CCDC122: variants seen among roughly 807,000 people sequenced by gnomAD.
CCDC122 encodes coiled-coil domain containing 122, also known as coiled-coil domain-containing protein 122.
Under a neutral mutation model 37.0 loss-of-function variants are expected in CCDC122, and 38 were observed. That is an observed-to-expected ratio of 1.03 (90% CI 0.79 to 1.35). The LOEUF (loss-of-function observed/expected upper bound fraction) is 1.35. Ranked by LOEUF, CCDC122 falls within the 40% of genes most tolerant of loss-of-function variation. The pLI, the probability that CCDC122 is intolerant of heterozygous loss-of-function variation, is 0.00. For missense variants in CCDC122, 305 were observed against 310.0 expected (o/e 0.98, Z 0.12); for synonymous variants, 83 against 95.6 (o/e 0.87, Z 0.77).
chr13:43,872,437 C>T (rs917346164), intron 2 of CCDC122, among the ~76,000 whole-genome samples: 1 of 152,072 alleles, frequency 6.6e-6, no homozygotes, highest in African/African-American at 2.4e-5. Context: ...GGCCCTTGAT[C>T]CTAGGCTCTT....
intron 6 of CCDC122, among the ~76,000 whole-genome samples, chr13:43,853,793 G>A (rs561715279): frequency 1.3e-5 from 2 of 152,158 alleles, no homozygotes; most frequent in East Asian, 3.9e-4. Flanking sequence ...CAATCTCTTG[G>A]ACCACAGCAC....
chr13:43,865,448 T>G (rs1417241301), intron 4 of CCDC122, among the ~76,000 whole-genome samples: 1 of 152,188 alleles, frequency 6.6e-6, no homozygotes, highest in African/African-American at 2.4e-5. Context: ...AGTACTGAAC[T>G]CTATATACAC....
At position 43,874,925 on chromosome 13, in the gene CCDC122, G is replaced by A. The variant is rs1462556491; in HGVS notation, c.-197C>T. 6.6e-6 allele frequency: 1 copy of A among 152,122 alleles called. No individual in the cohort carries two copies. The highest frequency in any genetic ancestry group is 1.5e-5 in the Non-Finnish European group (1 of 68,036). 9.4% of individuals were successfully genotyped at this position (152,122 alleles called of 1,614,324 possible). On this transcript the variant is annotated splice_region_variant and 5_prime_UTR_variant, in exon 2 of 7. Transcript: ENST00000444614. ...CAGGCAATGAGATTAGAGTTTCAGGGCACTGAAAAAGAAAGAAAACAGAGG... is the reference window on the plus strand; with the variant it reads ...CAGGCAATGAGATTAGAGTTTCAGGACACTGAAAAAGAAAGAAAACAGAGG...
chr13:43,857,622 G>A (rs929811088), intron 6 of CCDC122, among the ~76,000 whole-genome samples: 8 of 151,894 alleles, frequency 5.3e-5, no homozygotes, highest in Non-Finnish European at 1.0e-4. Flanking sequence ...TTTTTTTCTG[G>A]CCGGGTGTGG....
rs145660681 is a variant in CCDC122 at position 43,875,425 on chromosome 13, G to T, written c.-199-498C>A. Among the ~76,000 whole-genome samples, 333 of 152,254 alleles carry T rather than the reference G, an allele frequency of 2.2e-3. 7 individuals are homozygous for T. In the East Asian group the frequency reaches 0.051, roughly 23 times the overall value. The stretch of plus-strand genomic sequence containing the variant: ...CTTATTTTGAAAAAGGAGTTTTGCA[G>T]ATTTAACTGGGTTAAAGATCTTGAG... On this transcript the variant is annotated intron_variant, in intron 1 of 6. Transcript: ENST00000444614.
intron 2 of CCDC122, among the ~76,000 whole-genome samples, chr13:43,870,968 A>G (rs548556384): frequency 2.0e-5 from 3 of 152,216 alleles, no homozygotes; most frequent in East Asian, 3.9e-4. Flanking sequence ...TCCCCACTTC[A>G]TATCAAAATC....
intron 4 of CCDC122, among the ~76,000 whole-genome samples, chr13:43,868,252 G>C (rs1954337521): frequency 6.6e-6 from 1 of 152,006 alleles, no homozygotes; most frequent in African/African-American, 2.4e-5. Context: ...ACCAAGTATG[G>C]CTCCCAAATT....
At chr13:43,845,072 TTGAG>T (rs140193023) in intron 6 of CCDC122, among the ~76,000 whole-genome samples, 1,557 of 152,268 alleles carry the variant, frequency 0.01, 23 homozygotes, top group African/African-American at 0.035. Context: ...TTCTTTTGGA[TTGAG>T]TATTTTTTGT....
chr13:43,875,210 G>A (rs1954571903), intron 1 of CCDC122, among the ~76,000 whole-genome samples: 1 of 152,154 alleles, frequency 6.6e-6, no homozygotes. Flanking sequence ...GACCTTTGGT[G>A]AAATCCAGTT....
chr13:43,835,953 A>G (rs1210476424), downstream of CCDC122, among the ~76,000 whole-genome samples: 1 of 152,206 alleles, frequency 6.6e-6, no homozygotes, highest in African/African-American at 2.4e-5. Context: ...TTGAAGTGTA[A>G]GCCACATTAA....
At chr13:43,858,293 C>T (rs1953991735) in intron 6 of CCDC122, 1 of 152,346 alleles carries the variant, frequency 6.6e-6, no homozygotes, top group Admixed American at 6.5e-5. Flanking sequence ...CACCACAACA[C>T]ATTATGAATT....
chr13:43,858,049 G>A (rs1023657277), intron 6 of CCDC122: 1 of 152,116 alleles, frequency 6.6e-6, no homozygotes, highest in African/African-American at 2.4e-5. Flanking sequence ...AAACTAAAAG[G>A]TAAAATCGTG....
intron 6 of CCDC122, among the ~76,000 whole-genome samples, chr13:43,841,867 CACTG>C (rs1456332533): frequency 4.6e-5 from 7 of 152,092 alleles, no homozygotes; most frequent in South Asian, 4.1e-4. Context: ...TGCGCCATCA[CACTG>C]ACTAATTTTT....
In CCDC122 at chr13:43,859,738, CTTTAA is replaced by C; in HGVS notation, c.484_488del (p.Leu162AspfsTer31). On this transcript the variant is annotated frameshift_variant, in exon 5 of 7. Transcript: ENST00000444614. LOFTEE classifies it high-confidence loss of function. ...CTTGCATAAGTTCTTCTTTCATTGT[CTTTAA>C]TTTTTTAACAAAATCTCGCTTTTCA... is the stretch of plus-strand genomic sequence containing the variant. The C allele has an allele frequency of 1.3e-6, 2 of 1,597,214 alleles. No homozygotes were observed. The highest frequency in any genetic ancestry group is 1.8e-5 in the Admixed American group (1 of 55,914).
At chr13:43,875,990 C>G (rs1954598292) in intron 1 of CCDC122, among the ~76,000 whole-genome samples, 1 of 152,242 alleles carries the variant, frequency 6.6e-6, no homozygotes, top group Non-Finnish European at 1.5e-5. Context: ...ACTTGAGACT[C>G]AGACCCACAT....
In CCDC122 at chr13:43,858,891, T is replaced by G; in HGVS notation, c.562A>C (p.Ile188Leu). ...ATAATTTTATCCTTTAAGTTTGTAA[T>G]GTCTTCCTGTATGTTGACAACATTT... is the stretch of plus-strand genomic sequence containing the variant. Reference protein sequence around the residue: ...GNRITQVQEDITNLKDKIITV... With the variant: ...GNRITQVQEDLTNLKDKIITV... The change falls in exon 6 of 7, where the codon ATT becomes CTT. Residue 188 changes from isoleucine to leucine, a missense_variant. Ile to Leu is a conservative substitution (Grantham distance 5). Coordinates refer to ENST00000444614, the MANE Select transcript of CCDC122 (RefSeq NM_144974.5). 1 of 1,402,816 alleles carries G rather than the reference T, an allele frequency of 7.1e-7. No individual in the cohort carries two copies. The highest frequency in any genetic ancestry group is 9.6e-7 in the Non-Finnish European group (1 of 1,044,468). The allele number at this position is 1,402,816 out of a possible 1,614,324, so 86.9% of individuals were successfully genotyped here. A position where few individuals can be genotyped will look rare whatever the true frequency, so the allele number is the denominator to read the frequency against.
intron 6 of CCDC122, among the ~76,000 whole-genome samples, chr13:43,840,547 AG>A (rs1473004166): frequency 6.6e-6 from 1 of 151,406 alleles, no homozygotes; most frequent in Non-Finnish European, 1.5e-5. Flanking sequence ...ACCCCACAAC[AG>A]GCCCCGGTGC....
intron 6 of CCDC122, among the ~76,000 whole-genome samples, chr13:43,848,514 C>CA (rs1953620310): frequency 6.6e-6 from 1 of 151,996 alleles, no homozygotes; most frequent in Non-Finnish European, 1.5e-5. Flanking sequence ...TTTGCTTCCC[C>CA]AGTTTTTTGT....
chr13:43,825,513 T>C (rs924634637), intron 3 of CCDC122, among the ~76,000 whole-genome samples: 1 of 152,048 alleles, frequency 6.6e-6, no homozygotes, highest in Non-Finnish European at 1.5e-5. Context: ...CTCACGCCTA[T>C]AATCCCAGTA....
Sources: allele counts gnomAD v4.1 joint callset (sites outside exome capture counted in the v4.1 genomes callset), GRCh38; gene constraint gnomAD v4.1.1; transcripts MANE v1.5; gene names NCBI Gene and HGNC (gene_info 2026-07-23, HGNC 2026-07-21).